SORCS3: variants seen among roughly 807,000 people sequenced by gnomAD.
The protein encoded by SORCS3 is sortilin related VPS10 domain containing receptor 3, also known as VPS10 domain-containing receptor SorCS3.
SORCS3 carries 57 observed loss-of-function variants against 146.3 expected under a neutral mutation model. That is an observed-to-expected ratio of 0.39 (90% confidence interval 0.31 to 0.49). The LOEUF (loss-of-function observed/expected upper bound fraction) is 0.49. SORCS3 is among the 20% of genes least tolerant of loss of function. SORCS3 has a pLI of 0.92. For missense variants in SORCS3, 1,341 were observed against 1,575.5 expected, an observed-to-expected ratio of 0.85 and a Z score of 2.52; for synonymous variants, 653 against 618.5, an observed-to-expected ratio of 1.06 and a Z score of -0.83.
chr10:105,028,656 G>T (rs1294684936), intron 4 of SORCS3, among the ~76,000 whole-genome samples: 3 of 152,084 alleles, frequency 2.0e-5, no homozygotes, highest in African/African-American at 7.2e-5. Flanking sequence ...TTATTTTTTT[G>T]TACCATAAAA....
chr10:105,044,235 T>A (rs2055355003), intron 5 of SORCS3, among the ~76,000 whole-genome samples: 1 of 151,936 alleles, frequency 6.6e-6, no homozygotes, highest in South Asian at 2.1e-4. Flanking sequence ...TGGCCATCAG[T>A]GTCATGCCCC....
At chr10:105,215,482 G>T (rs1271166727) in intron 18 of SORCS3, among the ~76,000 whole-genome samples, 1 of 152,158 alleles carries the variant, frequency 6.6e-6, no homozygotes, top group Non-Finnish European at 1.5e-5. Flanking sequence ...GGGTGGTGAA[G>T]GTTCCTTATC....
chr10:105,080,525 C>T (rs533959207), intron 5 of SORCS3, among the ~76,000 whole-genome samples: 8 of 152,078 alleles, frequency 5.3e-5, no homozygotes, highest in Non-Finnish European at 8.8e-5. Flanking sequence ...TTTTGCTGTG[C>T]AGAAGCTCTT....
intron 4 of SORCS3, among the ~76,000 whole-genome samples, chr10:104,992,910 TG>T (rs1330736024): frequency 1.3e-5 from 2 of 152,050 alleles, no homozygotes; most frequent in East Asian, 1.9e-4. Flanking sequence ...TTATTAGGTA[TG>T]TTTTTTTTTT....
chr10:105,001,828 C>T (rs1000318972), intron 4 of SORCS3, among the ~76,000 whole-genome samples: 3 of 152,144 alleles, frequency 2.0e-5, no homozygotes, highest in African/African-American at 7.2e-5. Flanking sequence ...TCTTTCAATC[C>T]TTTGGAAAAG....
chr10:105,220,563 T>C (rs2056695121), intron 19 of SORCS3, among the ~76,000 whole-genome samples: 1 of 152,128 alleles, frequency 6.6e-6, no homozygotes, highest in Admixed American at 6.5e-5. Context: ...GGCTTCATGC[T>C]TTCTGGAGGA....
At chr10:104,726,038 A>G (rs955308746) in intron 1 of SORCS3, among the ~76,000 whole-genome samples, 7 of 152,224 alleles carry the variant, frequency 4.6e-5, no homozygotes, top group African/African-American at 1.4e-4. Flanking sequence ...TCAGTTGGAA[A>G]TGCAGAAATC....
chr10:104,940,238 A>ATATATATATATATATT (rs1435205868), intron 3 of SORCS3, among the ~76,000 whole-genome samples: 24 of 31,458 alleles, frequency 7.6e-4, no homozygotes, highest in East Asian at 2.1e-3. Flanking sequence ...ATATATATAT[A>ATATATATATATATATT]TTTTTTTTTT....
intron 1 of SORCS3, among the ~76,000 whole-genome samples, chr10:104,753,343 C>T (rs1030351980): frequency 9.2e-5 from 14 of 152,024 alleles, no homozygotes; most frequent in African/African-American, 3.1e-4. Flanking sequence ...CTTGAATGTT[C>T]GTGTCAAGAA....
intron 2 of SORCS3, among the ~76,000 whole-genome samples, chr10:104,854,642 G>C (rs566306397): frequency 6.6e-6 from 1 of 152,070 alleles, no homozygotes; most frequent in South Asian, 2.1e-4. Context: ...TGCCCTCATA[G>C]TTATGATGCT....
chr10:105,126,873 T>G (rs6584655), intron 7 of SORCS3, among the ~76,000 whole-genome samples: 92,968 of 151,940 alleles, frequency 0.61, 29,580 homozygotes, highest in African/African-American at 0.79. Flanking sequence ...TGTAGCATCT[T>G]ATCTTCACTG....
At chr10:104,759,486 C>T (rs1157265353) in intron 1 of SORCS3, among the ~76,000 whole-genome samples, 1 of 152,176 alleles carries the variant, frequency 6.6e-6, no homozygotes, top group Admixed American at 6.5e-5. Context: ...CTCTCACTGC[C>T]ATTCCAACAG....
intron 8 of SORCS3, 91 bp from the exon 9 acceptor site, chr10:105,147,526 C>G: frequency 8.7e-7 from 1 of 1,154,816 alleles, no homozygotes; most frequent in Non-Finnish European, 1.2e-6. Context: ...TTTTTCTCAG[C>G]AATTTCATAA....
intron 3 of SORCS3, among the ~76,000 whole-genome samples, chr10:104,940,238 A>ATATATATATCTATTT (rs1435205868): frequency 3.2e-5 from 1 of 31,506 alleles, no homozygotes; most frequent in Non-Finnish European, 6.1e-5. Context: ...ATATATATAT[A>ATATATATATCTATTT]TTTTTTTTTT....
intron 2 of SORCS3, among the ~76,000 whole-genome samples, chr10:104,872,126 C>T (rs1162339222): frequency 6.6e-6 from 1 of 152,152 alleles, no homozygotes; most frequent in African/African-American, 2.4e-5. Context: ...CTACCCATAA[C>T]TGTAATATAA....
chr10:105,022,452 C>G (rs1462393959), intron 4 of SORCS3, among the ~76,000 whole-genome samples: 1 of 142,710 alleles, frequency 7.0e-6, no homozygotes. Flanking sequence ...TGCCCACCAC[C>G]ACGCCCAGCT....
intron 3 of SORCS3, among the ~76,000 whole-genome samples, chr10:104,916,658 C>T (rs754660813): frequency 2.0e-4 from 31 of 152,146 alleles, no homozygotes; most frequent in Admixed American, 3.3e-4. Context: ...GAGATGTGCT[C>T]TTTCTCCAGC....
chr10:104,664,381 G>A (rs2015741937), intron 1 of SORCS3, among the ~76,000 whole-genome samples: 1 of 152,218 alleles, frequency 6.6e-6, no homozygotes, highest in Admixed American at 6.5e-5. Flanking sequence ...GTTTAAGGAT[G>A]TGAAAATGCC....
intron 1 of SORCS3, among the ~76,000 whole-genome samples, chr10:104,680,403 C>T (rs1285919090): frequency 6.6e-6 from 1 of 152,206 alleles, no homozygotes; most frequent in Admixed American, 6.5e-5. Context: ...CATCTTTTCT[C>T]AACCTAGTGA....
Sources: allele counts gnomAD v4.1 joint callset (sites outside exome capture counted in the v4.1 genomes callset), GRCh38; gene constraint gnomAD v4.1.1; transcripts MANE v1.5; gene names NCBI Gene and HGNC (gene_info 2026-07-23, HGNC 2026-07-21).